The following CRACR2A variants were observed in gnomAD, a reference collection of about 807,000 sequenced individuals.
CRACR2A encodes the protein EF-hand calcium-binding domain-containing protein 4B.
Under a neutral mutation model 90.5 loss-of-function variants are expected in CRACR2A, and 79 were observed. The ratio of observed to expected loss-of-function variants is 0.87; its 90% CI spans 0.73 to 1.05. The LOEUF is 1.05. Ranked by LOEUF, CRACR2A falls within the 50% of genes least tolerant of loss-of-function variation. CRACR2A has a pLI of 0.00. For synonymous variants in CRACR2A, 338 were observed against 356.7 expected (o/e 0.95, Z 0.59); for missense variants, 823 against 897.2 (o/e 0.92, Z 1.06).
In CRACR2A at chr12:3,642,938, C is replaced by A. The variant is rs190926848; in HGVS notation, c.1165-1100G>T. On this transcript the variant is annotated intron_variant, in intron 12 of 19. Transcript: ENST00000440314. ...CAGAGCCCCTGAAGGTATGGCTATG[C>A]TGATTCTAAATCAATCTTCAATTCT... is the stretch of plus-strand genomic sequence containing the variant. Among the ~76,000 whole-genome samples, 58 of 152,316 alleles carry A rather than the reference C, an allele frequency of 3.8e-4. 2 individuals are homozygous for A. The East Asian group carries it at 0.01, about 26-fold the overall frequency.
intron 2 of CRACR2A, among the ~76,000 whole-genome samples, chr12:3,718,334 C>T (rs1026300671): frequency 6.6e-6 from 1 of 152,166 alleles, no homozygotes; most frequent in Non-Finnish European, 1.5e-5. Context: ...TGGGTGGAAC[C>T]GAGGGCCCTG....
intron 10 of CRACR2A, 107 bp from the exon 11 acceptor site, chr12:3,648,720 A>C (rs567342642): frequency 6.8e-7 from 1 of 1,475,436 alleles, no homozygotes; most frequent in East Asian, 2.4e-5. Context: ...GATGGAGGGC[A>C]TTGGAGGAAC....
intron 7 of CRACR2A, among the ~76,000 whole-genome samples, chr12:3,663,923 C>T (rs746282137): frequency 1.4e-4 from 22 of 152,286 alleles, no homozygotes; most frequent in African/African-American, 2.6e-4. Context: ...CTGCCATTGG[C>T]GTTTTGAACA....
chr12:3,744,015 T>A (rs1230035197), intron 1 of CRACR2A, among the ~76,000 whole-genome samples: 1 of 152,146 alleles, frequency 6.6e-6, no homozygotes. Context: ...AGGAACAAAC[T>A]GTGTCCTGAG....
chr12:3,734,250 T>C (rs988011498), intron 1 of CRACR2A, among the ~76,000 whole-genome samples: 10 of 149,494 alleles, frequency 6.7e-5, no homozygotes, highest in Non-Finnish European at 1.2e-4. Context: ...GTGCTGGGAT[T>C]ACAGGTATGA....
chr12:3,675,028 C>T (rs898604379), intron 6 of CRACR2A, among the ~76,000 whole-genome samples: 13 of 152,136 alleles, frequency 8.5e-5, no homozygotes, highest in Admixed American at 5.2e-4. Flanking sequence ...TTATGACCCT[C>T]GTTTTATGAG....
chr12:3,708,606 T>C (rs1159619797), intron 3 of CRACR2A, among the ~76,000 whole-genome samples: 7 of 152,146 alleles, frequency 4.6e-5, no homozygotes. Context: ...TTGTATTTTT[T>C]AGTAGAGACG....
chr12:3,615,727 A>T (rs1431996559), intron 19 of CRACR2A, among the ~76,000 whole-genome samples: 1 of 152,028 alleles, frequency 6.6e-6, no homozygotes, highest in Non-Finnish European at 1.5e-5. Context: ...ACAGCATCTG[A>T]CCCTTCCTCT....
intron 5 of CRACR2A, among the ~76,000 whole-genome samples, chr12:3,679,944 T>C (rs1383498996): frequency 2.0e-5 from 3 of 152,220 alleles, no homozygotes; most frequent in Non-Finnish European, 4.4e-5. Flanking sequence ...CTCCCCCTTT[T>C]ATGCTATGGC....
chr12:3,642,586 G>T (rs978171980), intron 12 of CRACR2A, among the ~76,000 whole-genome samples: 4 of 152,172 alleles, frequency 2.6e-5, no homozygotes, highest in Non-Finnish European at 4.4e-5. Context: ...TCTTCTGTCT[G>T]GCTCCAATCC....
At position 3,684,835 on chromosome 12, in the gene CRACR2A, A is replaced by G. The variant is rs557109240; in HGVS notation, c.229-4486T>C. Among the ~76,000 whole-genome samples, 10 of 152,362 alleles carry G rather than the reference A, an allele frequency of 6.6e-5. No homozygotes were observed. The East Asian group carries it at 1.5e-3, about 23-fold the overall frequency. ...GAGTCAGAGCTGCCTGTCATTGCAG[A>G]CAGACTGCGGGGAGCCAGGACACAT... On this transcript the variant is annotated intron_variant, in intron 4 of 19. Transcript: ENST00000440314.
intron 3 of CRACR2A, among the ~76,000 whole-genome samples, chr12:3,704,881 C>A (rs915044181): frequency 1.3e-5 from 2 of 152,232 alleles, no homozygotes; most frequent in African/African-American, 4.8e-5. Flanking sequence ...TCTCTTAACC[C>A]TGTGTCCCCT....
intron 8 of CRACR2A, among the ~76,000 whole-genome samples, chr12:3,657,256 A>G (rs950998064): frequency 6.6e-6 from 1 of 152,240 alleles, no homozygotes; most frequent in African/African-American, 2.4e-5. Flanking sequence ...GCAGCACTCC[A>G]CTTGCCTGAA....
At chr12:3,745,955 C>T (rs893448948) in intron 1 of CRACR2A, among the ~76,000 whole-genome samples, 1 of 152,000 alleles carries the variant, frequency 6.6e-6, no homozygotes, top group Non-Finnish European at 1.5e-5. Context: ...TCATCTCCCT[C>T]CCGCTGACCT....
chr12:3,619,305 TC>T lies in CRACR2A; in HGVS notation c.1999del (p.Glu667LysfsTer16). The T allele has an allele frequency of 6.4e-7, 1 of 1,551,630 alleles. No individual in the cohort carries two copies. Among genetic ancestry groups the T allele is most frequent in the Non-Finnish European group, 8.7e-7 (1 of 1,146,988 alleles). The part of the protein sequence containing the change: ...GNKLDNEKER[E>X]VPRGLGEQLA... ...CTGCTCTCCGAGGCCCCGGGGGACTTCCCGCTCCTTCTCGTTGTCAAGCTTA... is the reference window on the plus strand; with the variant it reads ...CTGCTCTCCGAGGCCCCGGGGGACTTCCGCTCCTTCTCGTTGTCAAGCTTA... On this transcript the variant is annotated frameshift_variant, in exon 18 of 20. Coordinates refer to ENST00000440314, the MANE Select transcript of CRACR2A (RefSeq NM_001144958.2). LOFTEE classifies it high-confidence loss of function.
chr12:3,654,191 G>C, intron 10 of CRACR2A, 21 bp downstream of exon 10: 1 of 1,607,142 alleles, frequency 6.2e-7, no homozygotes, highest in Non-Finnish European at 8.5e-7. Flanking sequence ...CAGCAGAGGA[G>C]TGGACAAAGG....
Position 3,615,387 on chromosome 12 carries a change from G to A in CRACR2A, c.2164C>T (p.His722Tyr). The change falls in exon 20 of 20, where the codon CAC (histidine) becomes TAC (tyrosine). Residue 722 changes from histidine to tyrosine, a missense_variant. By Grantham distance (83) the His-to-Tyr change is moderately conservative (BLOSUM62 2). Coordinates refer to ENST00000440314, the MANE Select transcript of CRACR2A (RefSeq NM_001144958.2). Reference protein sequence around the residue: ...TVREDTIQVGHPAKKKSCCG With the variant: ...TVREDTIQVGYPAKKKSCCG ...CAGCAGGATTTCTTCTTAGCAGGGT[G>A]GCCGACCTGAATGGTGTCCTCTCTC... 12 of 1,551,596 alleles carry A rather than the reference G, an allele frequency of 7.7e-6. No homozygotes were observed. The highest frequency in any genetic ancestry group is 1.0e-5 in the Non-Finnish European group (12 of 1,146,928).
intron 4 of CRACR2A, among the ~76,000 whole-genome samples, chr12:3,685,474 G>A (rs185160614): frequency 6.2e-4 from 95 of 152,218 alleles, no homozygotes; most frequent in African/African-American, 2.1e-3. Flanking sequence ...GCCAACAGGC[G>A]GAAGCTACCC....
intron 15 of CRACR2A, among the ~76,000 whole-genome samples, chr12:3,632,602 T>TA (rs1002618578): frequency 3.3e-5 from 5 of 152,164 alleles, no homozygotes; most frequent in African/African-American, 1.2e-4. Flanking sequence ...TTAGGGACAC[T>TA]ATGGCATGGA....
Sources: gnomAD v4.1 joint callset for allele counts (sites outside exome capture counted in the v4.1 genomes callset) on GRCh38, gnomAD v4.1.1 for gene constraint, MANE v1.5 for transcripts, NCBI Gene and HGNC (gene_info 2026-07-23, HGNC 2026-07-21) for gene names.